FGF12: variants seen among roughly 807,000 people sequenced by gnomAD.
FGF12 encodes the protein fibroblast growth factor 12, also known as fibroblast growth factor 12B.
In FGF12, 14 loss-of-function variants were observed where a neutral mutation model predicts 23.6. That is an observed-to-expected ratio of 0.59 (90% CI 0.39 to 0.93). The LOEUF is 0.93. FGF12 is among the 40% of genes least tolerant of loss of function. The pLI is 0.00. For missense variants in FGF12, 175 were observed against 217.8 expected (o/e 0.80, Z 1.24); for synonymous variants, 62 against 77.3 (o/e 0.80, Z 1.04).
Position 192,514,254 on chromosome 3 carries a change from A to G in FGF12, c.14-153716T>C, listed in dbSNP as rs529288483. 2.0e-5 allele frequency among the ~76,000 whole-genome samples: 3 copies of G among 152,350 alleles called. No homozygotes were observed. The highest frequency in any genetic ancestry group is 7.2e-5 in the African/African-American group (3 of 41,586). ...AGAAAATATACCTGCCTTGCCAGCC[A>G]TCTGTTTAAAAGTCCCCTCTCCTGT... On this transcript the variant is annotated intron_variant, in intron 2 of 5. Transcript: ENST00000445105. The surrounding 1 kb of genome is among the most constrained non-coding windows in gnomAD (Gnocchi z 4.9).
chr3:192,279,407 T>C (rs1483541831), intron 4 of FGF12, among the ~76,000 whole-genome samples: 1 of 152,050 alleles, frequency 6.6e-6, no homozygotes, highest in Non-Finnish European at 1.5e-5. Context: ...TGCCAGACAT[T>C]TTTCTAAGCA....
intron 2 of FGF12, among the ~76,000 whole-genome samples, chr3:192,430,616 T>C (rs1721834235): frequency 6.6e-6 from 1 of 152,242 alleles, no homozygotes; most frequent in Non-Finnish European, 1.5e-5. Context: ...TCTAAATAGT[T>C]ACCACACAAT....
chr3:192,249,079 C>A (rs898589600), intron 4 of FGF12, among the ~76,000 whole-genome samples: 1 of 152,034 alleles, frequency 6.6e-6, no homozygotes, highest in Non-Finnish European at 1.5e-5. Flanking sequence ...AAGATGGTAG[C>A]GAGTTTTTAT....
At chr3:192,594,412 A>G (rs1418532232) in intron 2 of FGF12, among the ~76,000 whole-genome samples, 1 of 151,860 alleles carries the variant, frequency 6.6e-6, no homozygotes. Context: ...CTTGCTTGTT[A>G]AGAAAAAATC....
chr3:192,550,655 G>C (rs189450178), intron 2 of FGF12, among the ~76,000 whole-genome samples: 31 of 151,966 alleles, frequency 2.0e-4, no homozygotes, highest in African/African-American at 7.2e-4. Context: ...AGAACAAATA[G>C]TATAACACAA....
chr3:192,447,338 T>G (rs1722383482), intron 2 of FGF12, among the ~76,000 whole-genome samples: 1 of 152,158 alleles, frequency 6.6e-6, no homozygotes, highest in Non-Finnish European at 1.5e-5. Context: ...ACTTGAGCAT[T>G]AGGTAATGGG....
At chr3:192,395,032 C>A (rs1720460921) in intron 2 of FGF12, among the ~76,000 whole-genome samples, 2 of 152,138 alleles carry the variant, frequency 1.3e-5, no homozygotes, top group South Asian at 4.1e-4. Flanking sequence ...AAGGACCAGA[C>A]ATGACTAAAT....
At chr3:192,305,866 T>G (rs1715618384) in intron 4 of FGF12, among the ~76,000 whole-genome samples, 1 of 131,578 alleles carries the variant, frequency 7.6e-6, no homozygotes, top group South Asian at 2.7e-4. Context: ...TTTTTTTTTT[T>G]TTTTTTTTTT....
chr3:192,703,461 A>G (rs939330612), intron 2 of FGF12, among the ~76,000 whole-genome samples: 2 of 152,206 alleles, frequency 1.3e-5, no homozygotes, highest in Non-Finnish European at 2.9e-5. Context: ...CTGATTGATC[A>G]TGATGGTAGT....
At chr3:192,486,654 G>A (rs748710506) in intron 2 of FGF12, among the ~76,000 whole-genome samples, 3 of 152,064 alleles carry the variant, frequency 2.0e-5, no homozygotes, top group Non-Finnish European at 4.4e-5. Context: ...CCCTGTTCAG[G>A]GCCTTGAAGG....
At chr3:192,468,892 A>G (rs926982123) in intron 2 of FGF12, among the ~76,000 whole-genome samples, 1 of 152,196 alleles carries the variant, frequency 6.6e-6, no homozygotes, top group African/African-American at 2.4e-5. Context: ...ATTAATAGAA[A>G]TTCTTCTGAA....
intron 4 of FGF12, among the ~76,000 whole-genome samples, chr3:192,190,780 ACT>A (rs1577219775): frequency 6.6e-6 from 1 of 151,400 alleles, no homozygotes; most frequent in East Asian, 1.9e-4. Flanking sequence ...CGGCCCCAAT[ACT>A]CTTTTTGAAT....
chr3:192,542,064 G>T (rs553697631), intron 2 of FGF12, among the ~76,000 whole-genome samples: 1 of 150,178 alleles, frequency 6.7e-6, no homozygotes. Context: ...GTGGAGACGG[G>T]GTTTCACCAT....
intron 2 of FGF12, among the ~76,000 whole-genome samples, chr3:192,397,985 T>C (rs1045473327): frequency 1.3e-5 from 2 of 152,218 alleles, no homozygotes; most frequent in African/African-American, 4.8e-5. Context: ...GTCTATTTTA[T>C]CTTTATAATA....
intron 4 of FGF12, among the ~76,000 whole-genome samples, chr3:192,246,107 G>T (rs919789364): frequency 6.6e-6 from 1 of 152,046 alleles, no homozygotes; most frequent in Non-Finnish European, 1.5e-5. Context: ...GGAAATAATA[G>T]CTTTAGTTTT....
At chr3:192,159,465 T>A (rs1714740196) in intron 5 of FGF12, among the ~76,000 whole-genome samples, 1 of 152,214 alleles carries the variant, frequency 6.6e-6, no homozygotes, top group African/African-American at 2.4e-5. Context: ...AATGTTAGTG[T>A]TCCCCAGGAG....
At chr3:192,687,213 G>A (rs1437528259) in intron 2 of FGF12, among the ~76,000 whole-genome samples, 1 of 151,470 alleles carries the variant, frequency 6.6e-6, no homozygotes, top group African/African-American at 2.4e-5. Flanking sequence ...TTTGCCTTGG[G>A]ACTAAAAACA....
intron 2 of FGF12, among the ~76,000 whole-genome samples, chr3:192,528,589 TGG>T (rs1183329319): frequency 1.3e-5 from 2 of 152,150 alleles, no homozygotes; most frequent in African/African-American, 4.8e-5. Context: ...GGACCCTGTG[TGG>T]GGGCTCCAAC....
intron 4 of FGF12, among the ~76,000 whole-genome samples, chr3:192,260,925 C>T (rs1712704242): frequency 6.6e-6 from 1 of 152,078 alleles, no homozygotes; most frequent in African/African-American, 2.4e-5. Context: ...AGGGCACAAC[C>T]CCCAGAAGTT....
Sources: gnomAD v4.1 joint callset for allele counts (sites outside exome capture counted in the v4.1 genomes callset) on GRCh38, gnomAD v4.1.1 for gene constraint, Gnocchi (gnomAD v3.1) non-coding constraint, MANE v1.5 for transcripts, NCBI Gene and HGNC (gene_info 2026-07-23, HGNC 2026-07-21) for gene names.